WNK3: variants seen among roughly 807,000 people sequenced by gnomAD.
The protein encoded by WNK3 is WNK lysine deficient protein kinase 3, also known as serine/threonine-protein kinase WNK3.
A neutral mutation model predicts 116.7 loss-of-function variants in WNK3; 18 were observed. The observed-to-expected ratio is 0.15, with a 90% confidence interval of 0.11 to 0.23. WNK3 has a LOEUF of 0.23. Among genes scored for constraint, WNK3 ranks in the 10% least tolerant of loss-of-function variants. The pLI is 1.00. For synonymous variants in WNK3, 404 were observed against 469.4 expected (o/e 0.86, Z 1.80); for missense variants, 993 against 1,323.8 (o/e 0.75, Z 3.88).
intron 17 of WNK3, among the ~76,000 whole-genome samples, chrX:54,248,006 G>A (rs2068089697): frequency 9.0e-6 from 1 of 110,906 alleles, no homozygotes; most frequent in Admixed American, 9.7e-5. Context: ...CACTTTGGAG[G>A]CCAAGGCAGG....
At chrX:54,193,415 C>T (rs1557139392) in exon 24 of WNK3, 1 of 111,335 alleles carries the variant, frequency 9.0e-6, no homozygotes, top group East Asian at 2.8e-4. Context: ...TAGAGGATGA[C>T]AAGCACGCAT....
chrX:54,252,693 C>T (rs1365872480), intron 13 of WNK3, among the ~76,000 whole-genome samples: 2 of 107,621 alleles, frequency 1.9e-5, no homozygotes, highest in Non-Finnish European at 3.8e-5. Context: ...AAAAATAGCT[C>T]GGAAGACCAC....
chrX:54,208,676 A>G (rs537291858), intron 22 of WNK3, among the ~76,000 whole-genome samples: 1 of 112,219 alleles, frequency 8.9e-6, no homozygotes, highest in South Asian at 3.7e-4. Flanking sequence ...GCCCAGCCTA[A>G]CACATGCAAT....
At chrX:54,339,438 C>A (rs2069289590) in intron 1 of WNK3, among the ~76,000 whole-genome samples, 1 of 110,987 alleles carries the variant, frequency 9.0e-6, no homozygotes, top group Non-Finnish European at 1.9e-5. Context: ...ATATGCTATG[C>A]AATAAAACAA....
intron 10 of WNK3, among the ~76,000 whole-genome samples, chrX:54,278,509 G>A (rs1356633923): frequency 9.0e-6 from 1 of 110,821 alleles, no homozygotes; most frequent in Non-Finnish European, 1.9e-5. Context: ...TAGTAGTCAA[G>A]AGAGTATGTA....
intron 1 of WNK3, among the ~76,000 whole-genome samples, chrX:54,341,340 C>T (rs908635243): frequency 9.1e-6 from 1 of 109,304 alleles, no homozygotes; most frequent in African/African-American, 3.3e-5. Context: ...GAGGTTGCAG[C>T]GAGCCAAGAT....
intron 10 of WNK3, among the ~76,000 whole-genome samples, chrX:54,290,642 C>G (rs1484781047): frequency 8.9e-6 from 1 of 111,736 alleles, no homozygotes; most frequent in Non-Finnish European, 1.9e-5. Flanking sequence ...TACTACATAA[C>G]TCATTCAAAC....
chrX:54,212,013 T>C (rs2067621449), intron 22 of WNK3, among the ~76,000 whole-genome samples: 1 of 110,320 alleles, frequency 9.1e-6, no homozygotes, highest in Non-Finnish European at 1.9e-5. Context: ...GATCATGAGG[T>C]CAGGAGATGG....
intron 2 of WNK3, among the ~76,000 whole-genome samples, chrX:54,314,192 C>CAAAAAAA (rs1384345291): frequency 2.5e-5 from 1 of 39,683 alleles, no homozygotes; most frequent in Non-Finnish European, 4.9e-5. Context: ...GACTCTGTCT[C>CAAAAAAA]AAAAAAAAAA....
At chrX:54,275,746 C>T (rs1311627037) in intron 10 of WNK3, among the ~76,000 whole-genome samples, 2 of 110,389 alleles carry the variant, frequency 1.8e-5, no homozygotes, top group African/African-American at 3.3e-5. Flanking sequence ...AATTAAGAGA[C>T]ATTGACAGAA....
At chrX:54,313,938 T>C in intron 2 of WNK3, among the ~76,000 whole-genome samples, 1 of 109,840 alleles carries the variant, frequency 9.1e-6, no homozygotes, top group Non-Finnish European at 1.9e-5. Context: ...ACACCTGTAA[T>C]CCCAGCACTT....
chrX:54,253,997 C>A lies in WNK3; in HGVS notation c.2329G>T (p.Val777Phe). 7.4e-6 allele frequency: 9 copies of A among 1,208,645 alleles called. No homozygotes were observed. Among genetic ancestry groups the A allele is most frequent in the Non-Finnish European group, 1.0e-5 (9 of 893,625 alleles). ...ATATCCTCTGGCGCATCACCATCAACATCAAACTTGAAGGTGACCATCTTG... is the reference window on the plus strand; with the variant it reads ...ATATCCTCTGGCGCATCACCATCAAAATCAAACTTGAAGGTGACCATCTTG... Residue 777 changes from valine to phenylalanine, a missense_variant, in exon 13 of 24, where the codon GTT (valine) becomes TTT (phenylalanine). Val to Phe is a conservative substitution (Grantham distance 50). Coordinates refer to ENST00000354646, the Ensembl canonical transcript of WNK3.
chrX:54,303,081 A>G (rs1010071203), intron 5 of WNK3, among the ~76,000 whole-genome samples: 3 of 106,352 alleles, frequency 2.8e-5, no homozygotes, highest in Non-Finnish European at 5.8e-5. Flanking sequence ...CCAATTCACT[A>G]TATTTCAGTC....
rs781795348 is a variant in WNK3, at chrX:54,299,700, C to A, written c.1179-1306G>T. Among the ~76,000 whole-genome samples the A allele has an allele frequency of 4.5e-5, 5 of 110,455 alleles. No individual in the cohort carries two copies. In the East Asian group the frequency reaches 1.4e-3, roughly 31 times the overall value. ...CAGCCTCAGGCGTGAGCCACTGTGC[C>A]CGTCCCTAAGACTAAAGCGAGATGT... On this transcript the variant is annotated intron_variant, in intron 6 of 23. Transcript: ENST00000354646.
intron 2 of WNK3, among the ~76,000 whole-genome samples, chrX:54,330,101 T>C (rs781979106): frequency 3.8e-4 from 42 of 111,192 alleles, no homozygotes; most frequent in Non-Finnish European, 7.0e-4. Flanking sequence ...CGGCCAGGCA[T>C]GGTGGCTCAC....
At chrX:54,252,451 C>T (rs2068143477) in intron 13 of WNK3, among the ~76,000 whole-genome samples, 1 of 110,936 alleles carries the variant, frequency 9.0e-6, no homozygotes, top group African/African-American at 3.3e-5. Context: ...GGGTGAATCA[C>T]CTGAGGTCAG....
At chrX:54,304,232 A>T (rs1253090769) in intron 5 of WNK3, among the ~76,000 whole-genome samples, 2 of 109,796 alleles carry the variant, frequency 1.8e-5, no homozygotes, top group East Asian at 2.8e-4. Context: ...AGAACCTTTT[A>T]AAAAAAAATC....
At chrX:54,347,312 C>T (rs2069445074) in intron 1 of WNK3, among the ~76,000 whole-genome samples, 1 of 111,437 alleles carries the variant, frequency 9.0e-6, no homozygotes, top group Admixed American at 9.7e-5. Flanking sequence ...ACAGCGAAAC[C>T]TCGTCTCTAC....
chrX:54,336,101 G>A (rs782537080), intron 1 of WNK3, among the ~76,000 whole-genome samples: 1 of 111,843 alleles, frequency 8.9e-6, no homozygotes, highest in Non-Finnish European at 1.9e-5. Flanking sequence ...ACCATCCTGG[G>A]CAACATGGTG....
Sources: gnomAD v4.1 joint callset for allele counts (sites outside exome capture counted in the v4.1 genomes callset) on GRCh38, gnomAD v4.1.1 for gene constraint, MANE v1.5 for transcripts, NCBI Gene and HGNC (gene_info 2026-07-23, HGNC 2026-07-21) for gene names.